TANC2: variants seen among roughly 807,000 people sequenced by gnomAD.
The protein encoded by TANC2 is tetratricopeptide repeat, ankyrin repeat and coiled-coil containing 2.
A neutral mutation model predicts 210.5 loss-of-function variants in TANC2; 26 were observed. The observed-to-expected ratio is 0.12, with a 90% CI of 0.09 to 0.17. TANC2 has a LOEUF of 0.17. Among genes scored for constraint, TANC2 ranks in the 10% least tolerant of loss-of-function variants. The pLI is 1.00. For missense variants in TANC2, 2,129 were observed against 2,608.9 expected, an observed-to-expected ratio of 0.82 and a Z score of 4.01; for synonymous variants, 931 against 967.1, an observed-to-expected ratio of 0.96 and a Z score of 0.69.
At chr17:63,414,700 A>G (rs2048806517) in intron 25 of TANC2, among the ~76,000 whole-genome samples, 2 of 152,244 alleles carry the variant, frequency 1.3e-5, no homozygotes, top group African/African-American at 4.8e-5. Context: ...AGGGAAAAGT[A>G]AAAGACTGGG....
intron 2 of TANC2, among the ~76,000 whole-genome samples, chr17:63,027,362 T>C (rs937756184): frequency 5.9e-5 from 9 of 152,104 alleles, no homozygotes; most frequent in Non-Finnish European, 1.3e-4. Flanking sequence ...AAAAGGGATT[T>C]AAATAATGAG....
intron 4 of TANC2, among the ~76,000 whole-genome samples, chr17:63,137,638 G>A (rs1341795786): frequency 6.6e-6 from 1 of 152,040 alleles, no homozygotes; most frequent in Admixed American, 6.5e-5. Context: ...GACTCACTTT[G>A]TATAGTAAAA....
chr17:63,092,439 T>C (rs560812518), intron 3 of TANC2, among the ~76,000 whole-genome samples: 1 of 152,202 alleles, frequency 6.6e-6, no homozygotes, highest in East Asian at 1.9e-4. Context: ...CTAGTTTGAA[T>C]TACTGTAATG....
Position 63,389,302 on chromosome 17 carries a change from T to G in TANC2, c.2815-6T>G. On this transcript the variant is annotated splice_region_variant and splice_polypyrimidine_tract_variant and intron_variant, in intron 16 of 27. Coordinates refer to ENST00000689528, the Ensembl canonical transcript of TANC2. ...CTAATTATTAGTTCTGTTTGTTTAT[T>G]TCTAGGTCAGCCGACTGCTGATTTT... 1 of 1,607,470 alleles carries G rather than the reference T, an allele frequency of 6.2e-7. No individual in the cohort carries two copies. Among genetic ancestry groups the G allele is most frequent in the Non-Finnish European group, 8.5e-7 (1 of 1,174,818 alleles).
chr17:63,254,498 C>T (rs1227576036), intron 8 of TANC2, among the ~76,000 whole-genome samples: 1 of 152,192 alleles, frequency 6.6e-6, no homozygotes, highest in Non-Finnish European at 1.5e-5. Context: ...CTAGCTGGGA[C>T]TTCCAGAACT....
At chr17:62,995,587 C>G (rs1322396762) in intron 1 of TANC2, among the ~76,000 whole-genome samples, 1 of 152,100 alleles carries the variant, frequency 6.6e-6, no homozygotes, top group Non-Finnish European at 1.5e-5. Flanking sequence ...AGTACATGAC[C>G]TGATAATAAG....
At chr17:63,205,181 T>C (rs571483119) in intron 7 of TANC2, among the ~76,000 whole-genome samples, 2 of 152,122 alleles carry the variant, frequency 1.3e-5, no homozygotes, top group South Asian at 2.1e-4. Flanking sequence ...CCATGTGGCA[T>C]GGACAGTCTT....
intron 9 of TANC2, among the ~76,000 whole-genome samples, chr17:63,286,836 G>A (rs564897307): frequency 4.6e-5 from 7 of 152,156 alleles, no homozygotes; most frequent in African/African-American, 1.7e-4. Context: ...TGTCTTGAAG[G>A]TCATTCATCT....
chr17:63,278,846 C>T (rs1275387461), intron 9 of TANC2, among the ~76,000 whole-genome samples: 1 of 152,036 alleles, frequency 6.6e-6, no homozygotes, highest in Admixed American at 6.6e-5. Context: ...GTAAGCCAGT[C>T]ACAAAAGGAC....
intron 2 of TANC2, among the ~76,000 whole-genome samples, chr17:63,040,005 A>G (rs1463776524): frequency 1.3e-5 from 2 of 152,124 alleles, no homozygotes; most frequent in Non-Finnish European, 2.9e-5. Context: ...TCTGTTGTAC[A>G]TTTGTTGCAG....
At chr17:63,304,756 T>G (rs937113747) in intron 9 of TANC2, among the ~76,000 whole-genome samples, 7 of 152,048 alleles carry the variant, frequency 4.6e-5, no homozygotes, top group African/African-American at 1.4e-4. Context: ...CCAGGGAGAT[T>G]AGAGTTCTAT....
At chr17:63,145,872 T>C (rs2039445913) in intron 4 of TANC2, among the ~76,000 whole-genome samples, 1 of 152,094 alleles carries the variant, frequency 6.6e-6, no homozygotes, top group Non-Finnish European at 1.5e-5. Context: ...TTGTTTTGAC[T>C]ATTTAGGTTC....
chr17:63,085,124 T>C (rs774382487), intron 3 of TANC2, among the ~76,000 whole-genome samples: 1 of 152,162 alleles, frequency 6.6e-6, no homozygotes, highest in Non-Finnish European at 1.5e-5. Flanking sequence ...CGTGTAGTTC[T>C]ATCCATTTTT....
In TANC2 at chr17:63,102,804, G is replaced by A. The variant is rs573158113; in HGVS notation, c.322+3447G>A. ...AGTATCACATATTCATTAGCCTTGT[G>A]CAGTCAGCCCTCTGAATTCATGGAT... On this transcript the variant is annotated intron_variant, in intron 4 of 27. Coordinates refer to ENST00000689528, the Ensembl canonical transcript of TANC2. Among the ~76,000 whole-genome samples the A allele has an allele frequency of 3.5e-4, 54 of 152,180 alleles. 2 individuals are homozygous for A. Among genetic ancestry groups the A allele is most frequent in the Admixed American group, 2.6e-3 (40 of 15,286 alleles).
chr17:62,996,999 T>C (rs2033148229), intron 1 of TANC2, among the ~76,000 whole-genome samples: 1 of 144,244 alleles, frequency 6.9e-6, no homozygotes, highest in Admixed American at 6.9e-5. Flanking sequence ...ATTTTTAGTA[T>C]AGATGGGGTT....
At chr17:63,367,193 A>T (rs1006688054) in intron 14 of TANC2, among the ~76,000 whole-genome samples, 2 of 152,184 alleles carry the variant, frequency 1.3e-5, no homozygotes, top group Admixed American at 6.5e-5. Flanking sequence ...AACACAAAAC[A>T]CTTAGTGAGC....
intron 11 of TANC2, among the ~76,000 whole-genome samples, chr17:63,324,349 G>C (rs953315527): frequency 7.9e-5 from 12 of 152,076 alleles, no homozygotes; most frequent in African/African-American, 2.9e-4. Context: ...TATACCAGGG[G>C]GTGTCAAATG....
intron 14 of TANC2, among the ~76,000 whole-genome samples, chr17:63,364,440 A>G (rs911628083): frequency 2.6e-5 from 4 of 152,196 alleles, no homozygotes; most frequent in African/African-American, 9.7e-5. Flanking sequence ...ACTGAGAACT[A>G]CTTATTCTGT....
intron 9 of TANC2, among the ~76,000 whole-genome samples, chr17:63,284,354 G>C (rs1314366899): frequency 6.6e-6 from 1 of 151,840 alleles, no homozygotes; most frequent in African/African-American, 2.4e-5. Flanking sequence ...TGTATTTACT[G>C]TTCTGTATTT....
Sources: gnomAD v4.1 joint callset for allele counts (sites outside exome capture counted in the v4.1 genomes callset) on GRCh38, gnomAD v4.1.1 for gene constraint, MANE v1.5 for transcripts, NCBI Gene and HGNC (gene_info 2026-07-23, HGNC 2026-07-21) for gene names.